Variants in PIK3CA observed in about 807,000 individuals in gnomAD.
PIK3CA encodes phosphatidylinositol-4,5-bisphosphate 3-kinase catalytic subunit alpha.
PIK3CA carries 27 observed loss-of-function variants against 138.2 expected under a neutral mutation model. That is an observed-to-expected ratio of 0.20 (90% CI 0.14 to 0.27). PIK3CA has a LOEUF of 0.27. Among genes scored for constraint, PIK3CA ranks in the 10% least tolerant of loss-of-function variants. PIK3CA has a pLI of 1.00. For missense variants in PIK3CA, 544 were observed against 1,277.4 expected (o/e 0.43, Z 8.75); for synonymous variants, 358 against 413.2 (o/e 0.87, Z 1.62).
At chr3:179,194,152 A>G (rs1724204496) in intron 1 of PIK3CA, among the ~76,000 whole-genome samples, 1 of 152,230 alleles carries the variant, frequency 6.6e-6, no homozygotes, top group African/African-American at 2.4e-5. Context: ...TTTTAAAGAA[A>G]TCTGAGAGAA....
At chr3:179,232,838 A>C (rs1200665019) in intron 20 of PIK3CA, among the ~76,000 whole-genome samples, 1 of 151,804 alleles carries the variant, frequency 6.6e-6, no homozygotes, top group African/African-American at 2.4e-5. Context: ...TACTGAATTC[A>C]TTTATCAAAT....
At chr3:179,204,686 C>A in intron 6 of PIK3CA, 98 bp downstream of exon 6, 2 of 594,476 alleles carry the variant, frequency 3.4e-6, no homozygotes, top group Admixed American at 2.5e-5. Context: ...GCCTGGGCAA[C>A]AAAGCAAGAC....
chr3:179,151,691 C>T (rs1337799110), intron 1 of PIK3CA, among the ~76,000 whole-genome samples: 1 of 152,194 alleles, frequency 6.6e-6, no homozygotes, highest in East Asian at 1.9e-4. Context: ...AGGTTTATTT[C>T]TCCTCCCTAC....
At chr3:179,213,834 GT>G (rs1724776935) in intron 9 of PIK3CA, among the ~76,000 whole-genome samples, 1 of 152,220 alleles carries the variant, frequency 6.6e-6, no homozygotes, top group African/African-American at 2.4e-5. Flanking sequence ...TTGAAAATCT[GT>G]TGCTTAGTGT....
chr3:179,204,611 A>G (rs768551164), intron 6 of PIK3CA, 23 bp downstream of exon 6: 1 of 1,186,910 alleles, frequency 8.4e-7, no homozygotes, highest in South Asian at 1.2e-5. Flanking sequence ...ATAGATTTAT[A>G]TTTCCAAAGG....
At position 179,186,326 on chromosome 3, in the gene PIK3CA, T is replaced by C. The variant is rs543718678; in HGVS notation, c.-76-12424T>C. Among the ~76,000 whole-genome samples the C allele has an allele frequency of 2.0e-5, 3 of 152,352 alleles. No homozygotes were observed. The East Asian group carries it at 5.8e-4, about 29-fold the overall frequency. ...GATAATGTACCCTTTTGTTTCTTTC[T>C]TTAGCTCACAAGAAGCCAGGAAACA... is the stretch of plus-strand genomic sequence containing the variant. On this transcript the variant is annotated intron_variant, in intron 1 of 20. Transcript: ENST00000263967.
rs1724906040 is a variant in PIK3CA, at chr3:179,219,064, T to C, written c.1665-132T>C. On this transcript the variant is annotated intron_variant, in intron 10 of 20. Transcript: ENST00000263967. This position sits in a 1 kb window ranked among gnomAD's most constrained non-coding sequence, Gnocchi z 4.2. ...CTATAGTGTTAAACACTGATGTCTTTTGAATTTTAAAAAAGCTAGTAATGT... is the reference window on the plus strand; with the variant it reads ...CTATAGTGTTAAACACTGATGTCTTCTGAATTTTAAAAAAGCTAGTAATGT... The C allele has an allele frequency of 1.8e-6, 1 of 560,198 alleles. No individual in the cohort carries two copies. The highest frequency in any genetic ancestry group is 2.9e-5 in the East Asian group (1 of 34,446). 34.7% of individuals were successfully genotyped at this position (560,198 alleles called of 1,614,324 possible).
At chr3:179,157,626 T>G (rs1325602378) in intron 1 of PIK3CA, among the ~76,000 whole-genome samples, 1 of 149,818 alleles carries the variant, frequency 6.7e-6, no homozygotes, top group Admixed American at 6.6e-5. Flanking sequence ...TTGTTTACTC[T>G]AAAACTAATT....
chr3:179,204,391 A>C (rs1047413332), intron 5 of PIK3CA, 112 bp from the exon 6 acceptor site: 1 of 540,864 alleles, frequency 1.8e-6, no homozygotes, highest in Non-Finnish European at 3.5e-6. Context: ...AAAAAGGAGA[A>C]CCAAGCTATA....
chr3:179,170,104 T>C (rs1249436625), intron 1 of PIK3CA, among the ~76,000 whole-genome samples: 1 of 138,916 alleles, frequency 7.2e-6, no homozygotes, highest in Admixed American at 7.2e-5. Flanking sequence ...ACACACGACC[T>C]TAGTAAAATA....
rs1470232479 is a variant in PIK3CA, at chr3:179,235,174, C to T, written c.*810C>T. 3 of 186,204 alleles carry T rather than the reference C, an allele frequency of 1.6e-5. No individual in the cohort carries two copies. The highest frequency in any genetic ancestry group is 2.0e-4 in the South Asian group (1 of 5,060). The allele number at this position is 186,204 out of a possible 1,614,324, so 11.5% of individuals were successfully genotyped here. ...GAATGAGCAGGAATAGTTCTTATTC[C>T]AGAATTGTACAGTATTCACCTTAAG... On this transcript the variant is annotated 3_prime_UTR_variant, in exon 21 of 21. Coordinates refer to ENST00000263967, the MANE Select transcript of PIK3CA (RefSeq NM_006218.4).
chr3:179,164,732 G>A (rs1302870841), intron 1 of PIK3CA, among the ~76,000 whole-genome samples: 1 of 152,050 alleles, frequency 6.6e-6, no homozygotes, highest in African/African-American at 2.4e-5. Flanking sequence ...AGCCAGGCAT[G>A]GTGGCGCATA....
At chr3:179,160,718 A>C (rs542958671) in intron 1 of PIK3CA, among the ~76,000 whole-genome samples, 1 of 152,254 alleles carries the variant, frequency 6.6e-6, no homozygotes, top group Non-Finnish European at 1.5e-5. Flanking sequence ...TGTGCATTAT[A>C]TCTTTGTACA....
intron 9 of PIK3CA, among the ~76,000 whole-genome samples, chr3:179,214,670 A>T (rs1433501763): frequency 6.6e-6 from 1 of 152,208 alleles, no homozygotes; most frequent in Non-Finnish European, 1.5e-5. Flanking sequence ...CTTCCTTTAC[A>T]TAGGGATACC....
chr3:179,210,092 G>T, intron 7 of PIK3CA, 94 bp from the exon 8 acceptor site: 1 of 912,070 alleles, frequency 1.1e-6, no homozygotes, highest in Non-Finnish European at 1.6e-6. Context: ...CATTATTATA[G>T]AGATGATTGT....
intron 1 of PIK3CA, among the ~76,000 whole-genome samples, chr3:179,185,817 CTTCTGTGCCCTCTGTGG>C (rs1482905129): frequency 2.6e-5 from 4 of 152,204 alleles, no homozygotes; most frequent in African/African-American, 9.7e-5. Flanking sequence ...GGGTGTGGAG[CTTCTGTGCCCTCTGTGG>C]ACACACCACC....
intron 20 of PIK3CA, among the ~76,000 whole-genome samples, chr3:179,232,866 T>TA (rs1375483705): frequency 3.3e-5 from 5 of 152,042 alleles, no homozygotes; most frequent in Non-Finnish European, 7.4e-5. Flanking sequence ...TCTTTTTTTT[T>TA]ATCTTTTTTA....
intron 20 of PIK3CA, among the ~76,000 whole-genome samples, chr3:179,231,130 CATT>C (rs1311862889): frequency 6.6e-6 from 1 of 152,100 alleles, no homozygotes; most frequent in African/African-American, 2.4e-5. Flanking sequence ...CTGCAAAAGA[CATT>C]ATTTCATTCT....
intron 1 of PIK3CA, among the ~76,000 whole-genome samples, chr3:179,168,498 C>G (rs1322992644): frequency 6.6e-6 from 1 of 152,100 alleles, no homozygotes; most frequent in Non-Finnish European, 1.5e-5. Flanking sequence ...CCCTTTTAAT[C>G]TAAACATGTA....
Sources: allele counts gnomAD v4.1 joint callset (sites outside exome capture counted in the v4.1 genomes callset), GRCh38; gene constraint gnomAD v4.1.1; non-coding constraint Gnocchi (gnomAD v3.1); transcripts MANE v1.5; gene names NCBI Gene and HGNC (gene_info 2026-07-23, HGNC 2026-07-21).